Variants in GLIS3 observed in about 807,000 individuals in gnomAD.
The protein encoded by GLIS3 is zinc finger protein GLIS3.
In GLIS3, 53 loss-of-function variants were observed where a neutral mutation model predicts 78.6. The ratio of observed to expected loss-of-function variants is 0.67; its 90% CI spans 0.54 to 0.85. The LOEUF (loss-of-function observed/expected upper bound fraction) is 0.85. Among genes scored for constraint, GLIS3 ranks in the 40% least tolerant of loss-of-function variants. The probability of loss-of-function intolerance (pLI) is 0.00; values close to 1 mark genes in which losing one functional copy is unlikely to be tolerated. For synonymous variants in GLIS3, 684 were observed against 509.9 expected, an observed-to-expected ratio of 1.34 and a Z score of -4.60; for missense variants, 1,703 against 1,231.1, an observed-to-expected ratio of 1.38 and a Z score of -5.74.
At chr9:4,445,623 G>C in the GLIS3 span, among the ~76,000 whole-genome samples, 13 of 152,246 alleles carry the variant, frequency 8.5e-5, no homozygotes, top group African/African-American at 2.9e-4. Context: ...GACAGAGCAA[G>C]ACTCTAACTC....
chr9:4,465,807 A>G, the GLIS3 span, among the ~76,000 whole-genome samples: 1 of 152,224 alleles, frequency 6.6e-6, no homozygotes, highest in Non-Finnish European at 1.5e-5. Flanking sequence ...GCTCTAACTA[A>G]GTAACATGTG....
chr9:4,207,419 C>A (rs889494909), intron 2 of GLIS3, among the ~76,000 whole-genome samples: 8 of 152,174 alleles, frequency 5.3e-5, no homozygotes, highest in African/African-American at 1.4e-4. Context: ...GAAACATTTG[C>A]AGGATTAAAA....
At chr9:4,441,599 GTTTTCTTTTCCT>G in the GLIS3 span, among the ~76,000 whole-genome samples, 1 of 151,934 alleles carries the variant, frequency 6.6e-6, no homozygotes, top group African/African-American at 2.4e-5. Flanking sequence ...TTGACTAGTA[GTTTTCTTTTCCT>G]TTTTCTTTTT....
upstream of GLIS3, among the ~76,000 whole-genome samples, chr9:4,353,065 G>A (rs1189416517): frequency 6.6e-6 from 1 of 152,104 alleles, no homozygotes; most frequent in Non-Finnish European, 1.5e-5. Context: ...CCTGGGGTAT[G>A]GTGGCCACCT....
intron 2 of GLIS3, among the ~76,000 whole-genome samples, chr9:4,149,216 C>T (rs1474522579): frequency 6.6e-6 from 1 of 152,124 alleles, no homozygotes; most frequent in Non-Finnish European, 1.5e-5. Flanking sequence ...TTACTTGGTG[C>T]CAGAGGAGGA....
chr9:4,486,268 A>G, the GLIS3 span, among the ~76,000 whole-genome samples: 23 of 152,130 alleles, frequency 1.5e-4, no homozygotes, highest in African/African-American at 5.3e-4. Flanking sequence ...CGTCTCCCAC[A>G]AAGAAGTGGA....
intron 4 of GLIS3, among the ~76,000 whole-genome samples, chr9:4,096,905 G>A (rs535048601): frequency 1.3e-5 from 2 of 152,206 alleles, no homozygotes; most frequent in Non-Finnish European, 2.9e-5. Context: ...CCAGCTACTC[G>A]GGAGGCTGAG....
the GLIS3 span, among the ~76,000 whole-genome samples, chr9:4,376,609 A>G: frequency 4.4e-5 from 6 of 135,394 alleles, no homozygotes; most frequent in Admixed American, 2.2e-4. Flanking sequence ...CCGTCCTAAT[A>G]TGCCAGTGGG....
intron 2 of GLIS3, among the ~76,000 whole-genome samples, chr9:4,156,071 C>A (rs949493772): frequency 5.9e-5 from 9 of 152,136 alleles, no homozygotes; most frequent in African/African-American, 2.2e-4. Flanking sequence ...GAAGTACATT[C>A]AAACCCCAAG....
At chr9:3,935,728 T>A (rs1054192492) in intron 5 of GLIS3, among the ~76,000 whole-genome samples, 3 of 152,198 alleles carry the variant, frequency 2.0e-5, no homozygotes, top group African/African-American at 7.2e-5. Context: ...TTATTCTTTT[T>A]TTTTCTTTTT....
chr9:4,296,490 A>G (rs769039230), intron 1 of GLIS3, among the ~76,000 whole-genome samples: 2 of 152,172 alleles, frequency 1.3e-5, no homozygotes, highest in East Asian at 1.9e-4. Context: ...CACCACCCCA[A>G]TAAAGATTGC....
At chr9:3,925,455 G>A (rs1001172432) in intron 6 of GLIS3, among the ~76,000 whole-genome samples, 2 of 152,146 alleles carry the variant, frequency 1.3e-5, no homozygotes, top group Admixed American at 1.3e-4. Flanking sequence ...AAAAAAAATC[G>A]ATTCCTGGCC....
At chr9:4,111,071 G>C (rs991142431) in intron 4 of GLIS3, among the ~76,000 whole-genome samples, 3 of 152,154 alleles carry the variant, frequency 2.0e-5, no homozygotes, top group Non-Finnish European at 4.4e-5. Context: ...TGAAAGAACT[G>C]AGAAAAACAC....
intron 4 of GLIS3, among the ~76,000 whole-genome samples, chr9:3,952,749 A>T (rs1816783662): frequency 6.6e-6 from 1 of 152,194 alleles, no homozygotes; most frequent in South Asian, 2.1e-4. Context: ...ATCCTAGCAC[A>T]GTGCTTCTTG....
intron 3 of GLIS3, among the ~76,000 whole-genome samples, chr9:4,121,664 CCA>C (rs1832199789): frequency 6.6e-6 from 1 of 150,720 alleles, no homozygotes; most frequent in Non-Finnish European, 1.5e-5. Context: ...CACACACACC[CCA>C]AAGTTCTTAG....
intron 2 of GLIS3, among the ~76,000 whole-genome samples, chr9:4,254,449 A>G (rs532432666): frequency 8.5e-5 from 13 of 152,378 alleles, no homozygotes; most frequent in Admixed American, 6.5e-4. Flanking sequence ...AATTCCAATG[A>G]AAGTCCTGAC....
At chr9:3,880,256 G>T (rs971898210) in intron 7 of GLIS3, among the ~76,000 whole-genome samples, 1 of 152,174 alleles carries the variant, frequency 6.6e-6, no homozygotes, top group Admixed American at 6.5e-5. Flanking sequence ...ACTGTTGCCC[G>T]TTATGACACA....
At chr9:4,400,194 C>A in the GLIS3 span, among the ~76,000 whole-genome samples, 1 of 152,082 alleles carries the variant, frequency 6.6e-6, no homozygotes, top group Non-Finnish European at 1.5e-5. Context: ...TGGCTAAAAT[C>A]AAGTGGAGAA....
chr9:4,090,681 C>T (rs776064404), intron 4 of GLIS3, among the ~76,000 whole-genome samples: 17 of 152,184 alleles, frequency 1.1e-4, no homozygotes, highest in Non-Finnish European at 2.1e-4. Context: ...TTGGTGGCCA[C>T]GGCATCCAGT....
Sources: gnomAD v4.1 joint callset for allele counts (sites outside exome capture counted in the v4.1 genomes callset) on GRCh38, gnomAD v4.1.1 for gene constraint, MANE v1.5 for transcripts, NCBI Gene and HGNC (gene_info 2026-07-23, HGNC 2026-07-21) for gene names.